The following EYS variants were observed in gnomAD, a reference collection of about 807,000 sequenced individuals.
EYS encodes protein eyes shut homolog.
In EYS, 250 loss-of-function variants were observed where a neutral mutation model predicts 282.1. The ratio of observed to expected loss-of-function variants is 0.89; its 90% confidence interval spans 0.80 to 0.98. EYS has a LOEUF of 0.98. Ranked by LOEUF, EYS falls within the 50% of genes least tolerant of loss-of-function variation. The pLI is 0.00. For synonymous variants in EYS, 1,355 were observed against 1,282.9 expected (o/e 1.06, Z -1.20); for missense variants, 4,016 against 3,709.0 (o/e 1.08, Z -2.15).
At chr6:64,216,499 G>C (rs961621555) in intron 31 of EYS, among the ~76,000 whole-genome samples, 2 of 152,146 alleles carry the variant, frequency 1.3e-5, no homozygotes, top group Non-Finnish European at 2.9e-5. Context: ...AGTGGTCATA[G>C]GGGGATATAT....
chr6:65,402,472 T>C lies in EYS; in HGVS notation c.1184+6A>G, dbSNP rs777432536. The C allele has an allele frequency of 2.7e-6, 4 of 1,477,540 alleles. No homozygotes were observed. The highest frequency in any genetic ancestry group is 2.8e-6 in the Non-Finnish European group (3 of 1,057,862). The allele number at this position is 1,477,540 out of a possible 1,614,324, so 91.5% of individuals were successfully genotyped here. A position where few individuals can be genotyped will look rare whatever the true frequency, so the allele number is the denominator to read the frequency against. On this transcript the variant is annotated splice_donor_region_variant and intron_variant, in intron 7 of 42. Transcript: ENST00000503581. ...GTATTAAAAATAAACAGAAAATTAA[T>C]TATACCTGCAAGGATAATCTTTCTC...
chr6:64,313,188 A>G lies in EYS; in HGVS notation c.6079-6106T>C, dbSNP rs1294561463. On this transcript the variant is annotated intron_variant, in intron 29 of 42. Coordinates refer to ENST00000503581, the MANE Select transcript of EYS (RefSeq NM_001142800.2). ...ATAACCAGTTTAGAGAAGAACATAA[A>G]TGACCTGATGGAGCTGAAAAACACA... Among the ~76,000 whole-genome samples the G allele has an allele frequency of 3.3e-5, 5 of 152,196 alleles. No homozygotes were observed. In the East Asian group the frequency reaches 9.7e-4, roughly 29 times the overall value.
intron 12 of EYS, among the ~76,000 whole-genome samples, chr6:65,254,277 G>T (rs1181199592): frequency 6.6e-6 from 1 of 151,738 alleles, no homozygotes; most frequent in African/African-American, 2.4e-5. Context: ...TTGATTTAAT[G>T]ATGAGATATT....
At chr6:63,917,278 T>A (rs145827588) in intron 35 of EYS, among the ~76,000 whole-genome samples, 155 of 152,344 alleles carry the variant, frequency 1.0e-3, no homozygotes, top group African/African-American at 3.7e-3. Context: ...TACTGGTTGA[T>A]AGAAGTAGCT....
intron 12 of EYS, among the ~76,000 whole-genome samples, chr6:65,288,485 A>G (rs1410393633): frequency 6.6e-6 from 1 of 150,682 alleles, no homozygotes; most frequent in Non-Finnish European, 1.5e-5. Flanking sequence ...ACAAGCACAC[A>G]CATGTGTATT....
chr6:65,374,663 C>T (rs899770120), intron 8 of EYS, among the ~76,000 whole-genome samples: 5 of 152,248 alleles, frequency 3.3e-5, no homozygotes, highest in African/African-American at 9.6e-5. Flanking sequence ...TTGAAATTCT[C>T]ACTGCCATCA....
intron 22 of EYS, among the ~76,000 whole-genome samples, chr6:64,661,200 CTGGAT>C (rs1769001566): frequency 6.6e-6 from 1 of 152,116 alleles, no homozygotes; most frequent in Non-Finnish European, 1.5e-5. Context: ...AAAGCTGAAA[CTGGAT>C]CCTGTCCTTA....
chr6:65,432,026 A>G (rs1211490303), intron 5 of EYS, among the ~76,000 whole-genome samples: 1 of 152,186 alleles, frequency 6.6e-6, no homozygotes, highest in East Asian at 1.9e-4. Context: ...CTGGAAACCA[A>G]GAAAATATCC....
intron 22 of EYS, among the ~76,000 whole-genome samples, chr6:64,662,523 T>G (rs1307153261): frequency 6.6e-6 from 1 of 152,144 alleles, no homozygotes; most frequent in African/African-American, 2.4e-5. Flanking sequence ...AGCAAGCAGA[T>G]ATGCATCTCA....
intron 14 of EYS, among the ~76,000 whole-genome samples, chr6:64,963,046 T>C (rs900109550): frequency 3.9e-5 from 6 of 152,196 alleles, no homozygotes; most frequent in African/African-American, 1.4e-4. Context: ...GATATGCATA[T>C]GAATGTGTGC....
At chr6:65,201,751 C>G (rs923820548) in intron 12 of EYS, among the ~76,000 whole-genome samples, 1 of 152,088 alleles carries the variant, frequency 6.6e-6, no homozygotes, top group Non-Finnish European at 1.5e-5. Flanking sequence ...TGGTCCAGAA[C>G]AGATGTCATT....
At chr6:65,520,842 AG>A (rs542977146) in intron 2 of EYS, among the ~76,000 whole-genome samples, 6 of 152,140 alleles carry the variant, frequency 3.9e-5, no homozygotes, top group South Asian at 4.1e-4. Context: ...GATTTTACAG[AG>A]TGAGAATTTC....
chr6:65,102,826 G>A (rs1422511154), intron 12 of EYS, among the ~76,000 whole-genome samples: 2 of 151,186 alleles, frequency 1.3e-5, no homozygotes, highest in African/African-American at 4.8e-5. Context: ...TTTAACAAAT[G>A]CTATTAATTT....
At chr6:65,561,426 G>T (rs764225998) in intron 2 of EYS, among the ~76,000 whole-genome samples, 1 of 151,976 alleles carries the variant, frequency 6.6e-6, no homozygotes, top group African/African-American at 2.4e-5. Context: ...AATATTTATA[G>T]TGCAGTCCCC....
intron 22 of EYS, among the ~76,000 whole-genome samples, chr6:64,660,730 A>C (rs1383164142): frequency 2.6e-5 from 4 of 152,208 alleles, no homozygotes; most frequent in Admixed American, 2.0e-4. Flanking sequence ...GCTCAATGAA[A>C]TAAAAGAGGA....
chr6:64,937,092 G>T (rs1768933194), intron 15 of EYS, among the ~76,000 whole-genome samples: 1 of 151,450 alleles, frequency 6.6e-6, no homozygotes, highest in Non-Finnish European at 1.5e-5. Context: ...GGATATTCAT[G>T]TGTAGAAGAA....
chr6:64,897,609 C>T (rs376512452), intron 18 of EYS, among the ~76,000 whole-genome samples: 18 of 152,218 alleles, frequency 1.2e-4, no homozygotes, highest in African/African-American at 2.6e-4. Context: ...ATGAGTTTGA[C>T]GAATTGACAA....
rs544782200 is a variant in EYS, at chr6:64,313,552, G to A, written c.6079-6470C>T. 9.9e-5 allele frequency among the ~76,000 whole-genome samples: 15 copies of A among 152,108 alleles called. No individual in the cohort carries two copies. The South Asian group carries it at 1.5e-3, about 15-fold the overall frequency. On this transcript the variant is annotated intron_variant, in intron 29 of 42. Transcript: ENST00000503581. ...AGAGAACACCACAAAGATACTCCTCGAGAAGAGCAAACCCAAGACACATAA... is the reference window on the plus strand; with the variant it reads ...AGAGAACACCACAAAGATACTCCTCAAGAAGAGCAAACCCAAGACACATAA...
At chr6:65,399,687 G>C (rs9345621) in intron 7 of EYS, among the ~76,000 whole-genome samples, 3 of 151,838 alleles carry the variant, frequency 2.0e-5, no homozygotes. Flanking sequence ...TTGTAAAGAA[G>C]TTCAGTATAT....
Sources: gnomAD v4.1 joint callset for allele counts (sites outside exome capture counted in the v4.1 genomes callset) on GRCh38, gnomAD v4.1.1 for gene constraint, MANE v1.5 for transcripts, NCBI Gene and HGNC (gene_info 2026-07-23, HGNC 2026-07-21) for gene names.